ZFC3H1: variants seen among roughly 807,000 people sequenced by gnomAD.
The protein encoded by ZFC3H1 is zinc finger C3H1 domain-containing protein.
Under a neutral mutation model 243.7 loss-of-function variants are expected in ZFC3H1, and 71 were observed. The ratio of observed to expected loss-of-function variants is 0.29; its 90% confidence interval spans 0.24 to 0.36. The LOEUF is 0.36. Ranked by LOEUF, ZFC3H1 falls within the 10% of genes least tolerant of loss-of-function variation. The pLI, the probability that ZFC3H1 is intolerant of heterozygous loss-of-function variation, is 1.00. For synonymous variants in ZFC3H1, 838 were observed against 813.0 expected (o/e 1.03, Z -0.52); for missense variants, 1,966 against 2,317.1 (o/e 0.85, Z 3.11).
At position 71,619,401 on chromosome 12, in the gene ZFC3H1, G is replaced by C; in HGVS notation, c.5058C>G (p.Gly1686=). 1 of 1,613,116 alleles carries C rather than the reference G, an allele frequency of 6.2e-7. No individual in the cohort carries two copies. The part of the protein sequence containing the change: ...MCKFFILQNR[G]DNLLPFLRKF... ...TCCGCAAAAATGGAAGAAGATTATC[G>C]CCTCGATTCTATTTTAAAAAGAGGG... The change falls in exon 27 of 35, where the codon GGC becomes GGG. Residue 1686 remains glycine, a synonymous_variant. Coordinates refer to ENST00000378743, the MANE Select transcript of ZFC3H1 (RefSeq NM_144982.5).
Position 71,610,108 on chromosome 12 carries a change from A to C in ZFC3H1, c.*320T>G. The C allele has an allele frequency of 5.6e-6, 1 of 179,080 alleles. No individual in the cohort carries two copies. Among genetic ancestry groups the C allele is most frequent in the Non-Finnish European group, 1.2e-5 (1 of 85,936 alleles). The allele number at this position is 179,080 out of a possible 1,614,324, so 11.1% of individuals were successfully genotyped here. A position where few individuals can be genotyped will look rare whatever the true frequency, so the allele number is the denominator to read the frequency against. ...GTCAGGAATAACACAAAATAAAGGAATGGGGGAGAAAATAAAAAAAAACAA... is the reference window on the plus strand; with the variant it reads ...GTCAGGAATAACACAAAATAAAGGACTGGGGGAGAAAATAAAAAAAAACAA... On this transcript the variant is annotated 3_prime_UTR_variant, in exon 35 of 35. Transcript: ENST00000378743.
Position 71,632,199 on chromosome 12 carries a change from T to C in ZFC3H1, c.3133A>G (p.Arg1045Gly), listed in dbSNP as rs1592592202. The change falls in exon 15 of 35, where the codon AGA (arginine) becomes GGA (glycine). Residue 1045 changes from arginine (R) to glycine (G), a missense_variant. Arg to Gly is a moderately radical substitution (Grantham distance 125). Transcript: ENST00000378743. Reference sequence around the variant, plus strand: ...AAATAATTGGATTCTAAAAAAGATCTTCTTCGCTCTCTGCTTGAACCAGAC... The same window carrying C: ...AAATAATTGGATTCTAAAAAAGATCCTCTTCGCTCTCTGCTTGAACCAGAC... ...ILSGSSRERR[R>G]SFLESNYFTK... 1 of 1,605,680 alleles carries C rather than the reference T, an allele frequency of 6.2e-7. No individual in the cohort carries two copies. The highest frequency in any genetic ancestry group is 8.5e-7 in the Non-Finnish European group (1 of 1,177,120).
intron 21 of ZFC3H1, among the ~76,000 whole-genome samples, chr12:71,627,332 T>G (rs1169457895): frequency 6.6e-6 from 1 of 152,144 alleles, no homozygotes. Context: ...AATTTGGAAG[T>G]TCTCAGATAA....
At chr12:71,611,756 A>G in intron 32 of ZFC3H1, 30 bp downstream of exon 32, 1 of 1,510,504 alleles carries the variant, frequency 6.6e-7, no homozygotes. Context: ...AGCAATAGCT[A>G]TAAAAACATG....
At chr12:71,615,800 G>A (rs1005086226) in intron 27 of ZFC3H1, among the ~76,000 whole-genome samples, 1 of 152,134 alleles carries the variant, frequency 6.6e-6, no homozygotes, top group African/African-American at 2.4e-5. Context: ...TTACAGGCAT[G>A]AGCTGCTGCG....
At chr12:71,657,342 C>A (rs1881046666) in intron 1 of ZFC3H1, 41 bp from the exon 2 acceptor site, 2 of 1,391,218 alleles carry the variant, frequency 1.4e-6, no homozygotes, top group South Asian at 3.5e-5. Flanking sequence ...AAAAATTTTC[C>A]ACAGTTAAAT....
chr12:71,636,968 G>A lies in ZFC3H1; in HGVS notation c.1817C>T (p.Pro606Leu). 1.9e-6 allele frequency: 3 copies of A among 1,614,020 alleles called. No homozygotes were observed. Among genetic ancestry groups the A allele is most frequent in the African/African-American group, 1.3e-5 (1 of 75,012 alleles). Reference sequence around the variant, plus strand: ...TTTTGGAGGCTGTTCTGGATCTTCAGGTGGGAGAGGTGGTAATGGTGGTAG... The same window carrying A: ...TTTTGGAGGCTGTTCTGGATCTTCAAGTGGGAGAGGTGGTAATGGTGGTAG... ...PPLPPLPPLPPEDPEQPPKPP... is the reference protein window; with the variant it reads ...PPLPPLPPLPLEDPEQPPKPP... The change falls in exon 8 of 35, where the codon CCT becomes CTT. Residue 606 changes from proline to leucine, a missense_variant. This residue lies in a region of ZFC3H1 where 1,383 missense variants were observed against 1,723.7 expected (regional missense o/e 0.80). Transcript: ENST00000378743.
chr12:71,657,413 G>C (rs76744069), intron 1 of ZFC3H1, 112 bp from the exon 2 acceptor site: 57,661 of 841,126 alleles, frequency 0.069, 2,358 homozygotes, highest in South Asian at 0.086. Flanking sequence ...CAAGAAAAAT[G>C]AATCGATATT....
chr12:71,655,287 C>T (rs1473925198), intron 2 of ZFC3H1, among the ~76,000 whole-genome samples: 1 of 151,984 alleles, frequency 6.6e-6, no homozygotes, highest in Admixed American at 6.6e-5. Context: ...TTAGAAGAAA[C>T]ATACTTCCAA....
intron 23 of ZFC3H1, among the ~76,000 whole-genome samples, 153 bp downstream of exon 23, chr12:71,623,951 T>C (rs1243634737): frequency 6.6e-6 from 1 of 152,240 alleles, no homozygotes; most frequent in Non-Finnish European, 1.5e-5. Context: ...GTCATAAACT[T>C]ACCCAATGTC....
chr12:71,648,965 C>T (rs1880803999), intron 2 of ZFC3H1, among the ~76,000 whole-genome samples: 2 of 151,872 alleles, frequency 1.3e-5, no homozygotes, highest in African/African-American at 4.8e-5. Flanking sequence ...GTGGTGCACG[C>T]CTGTAGTCCC....
Position 71,619,427 on chromosome 12 carries a change from A to C in ZFC3H1, c.5050-18T>G. On this transcript the variant is annotated intron_variant, in intron 26 of 34. Transcript: ENST00000378743. ...CCTCGATTCTATTTTAAAAAGAGGGAGGGGGATATATATCAGGCTTACAAT... is the reference window on the plus strand; with the variant it reads ...CCTCGATTCTATTTTAAAAAGAGGGCGGGGGATATATATCAGGCTTACAAT... 1 of 1,604,616 alleles carries C rather than the reference A, an allele frequency of 6.2e-7. No homozygotes were observed. The highest frequency in any genetic ancestry group is 8.5e-7 in the Non-Finnish European group (1 of 1,172,164).
intron 7 of ZFC3H1, among the ~76,000 whole-genome samples, chr12:71,637,646 C>T (rs1012340600): frequency 6.6e-6 from 1 of 152,148 alleles, no homozygotes; most frequent in African/African-American, 2.4e-5. Context: ...TTTCCCTTGG[C>T]ATTTAGTTCA....
intron 27 of ZFC3H1, among the ~76,000 whole-genome samples, chr12:71,616,352 C>T (rs1188212369): frequency 3.9e-5 from 6 of 152,138 alleles, no homozygotes; most frequent in African/African-American, 1.2e-4. Flanking sequence ...CACATACAGC[C>T]ATACACACAT....
intron 27 of ZFC3H1, among the ~76,000 whole-genome samples, chr12:71,616,062 G>T (rs1879887436): frequency 6.6e-6 from 1 of 152,168 alleles, no homozygotes; most frequent in South Asian, 2.1e-4. Flanking sequence ...GGCTGAGGCG[G>T]GTGGTTCACT....
chr12:71,644,379 C>A, intron 4 of ZFC3H1, 61 bp from the exon 5 acceptor site: 1 of 1,515,368 alleles, frequency 6.6e-7, no homozygotes, highest in South Asian at 1.2e-5. Flanking sequence ...AAATAAGAGT[C>A]TTAAAAAATA....
At chr12:71,628,819 A>T in intron 20 of ZFC3H1, 99 bp downstream of exon 20, 1 of 1,377,184 alleles carries the variant, frequency 7.3e-7, no homozygotes, top group African/African-American at 1.5e-5. Context: ...TTTTTTTTTA[A>T]CCAGGCAGGC....
intron 1 of ZFC3H1, among the ~76,000 whole-genome samples, chr12:71,662,412 G>A (rs1023067056): frequency 1.3e-5 from 2 of 151,842 alleles, no homozygotes; most frequent in African/African-American, 4.8e-5. Flanking sequence ...CGTAAAGGAG[G>A]TAAAGTGTTC....
At chr12:71,633,464 G>A (rs756141256) in intron 12 of ZFC3H1, 26 bp from the exon 13 acceptor site, 4 of 1,512,984 alleles carry the variant, frequency 2.6e-6, no homozygotes, top group Non-Finnish European at 2.7e-6. Context: ...CAAAATTCTT[G>A]TTAATGTTTC....
Sources: gnomAD v4.1 joint callset for allele counts (sites outside exome capture counted in the v4.1 genomes callset) on GRCh38, gnomAD v4.1.1 for gene constraint, gnomAD v4.1.1 regional missense constraint, MANE v1.5 for transcripts, NCBI Gene and HGNC (gene_info 2026-07-23, HGNC 2026-07-21) for gene names.